Variants in ACBD6 observed in about 807,000 individuals in gnomAD.
The protein encoded by ACBD6 is acyl-CoA binding domain containing 6.
Under a neutral mutation model 37.2 loss-of-function variants are expected in ACBD6, and 28 were observed. That is an observed-to-expected ratio of 0.75 (90% CI 0.56 to 1.03). The LOEUF (loss-of-function observed/expected upper bound fraction) is 1.03, where lower values mean the gene tolerates loss of function less well. ACBD6 is among the 50% of genes least tolerant of loss of function. The pLI is 0.00. For missense variants in ACBD6, 340 were observed against 337.4 expected (o/e 1.01, Z -0.06); for synonymous variants, 113 against 126.8 (o/e 0.89, Z 0.73).
chr1:180,468,402 C>T (rs773975921), intron 3 of ACBD6, among the ~76,000 whole-genome samples: 3 of 152,104 alleles, frequency 2.0e-5, no homozygotes, highest in Non-Finnish European at 4.4e-5. Flanking sequence ...CTAAGAAGGC[C>T]GCTGGTTTAA....
chr1:180,457,373 T>G (rs1259547923), intron 3 of ACBD6, among the ~76,000 whole-genome samples: 2 of 152,240 alleles, frequency 1.3e-5, no homozygotes, highest in African/African-American at 4.8e-5. Flanking sequence ...TAGGCTGAAC[T>G]GTTCTCAATC....
chr1:180,387,078 T>C (rs944715875), intron 6 of ACBD6, among the ~76,000 whole-genome samples: 14 of 152,224 alleles, frequency 9.2e-5, no homozygotes, highest in African/African-American at 3.4e-4. Context: ...TTAGGAGTTG[T>C]AGTTCCAATA....
Position 180,502,412 on chromosome 1 carries a change from G to T in ACBD6, c.-146C>A. ...GCTCAGTCGCGGCGCGCTCCCTCAC[G>T]TGACCCTGCTCCCTGCCCACTTCTA... On this transcript the variant is annotated 5_prime_UTR_variant, in exon 1 of 8. Transcript: ENST00000367595. 1.2e-6 allele frequency: 1 copy of T among 849,778 alleles called. No individual in the cohort carries two copies. The highest frequency in any genetic ancestry group is 1.9e-6 in the Non-Finnish European group (1 of 517,256). The allele number at this position is 849,778 out of a possible 1,614,324, so 52.6% of individuals were successfully genotyped here. A position where few individuals can be genotyped will look rare whatever the true frequency, so the allele number is the denominator to read the frequency against.
chr1:180,411,778 A>G (rs1223308299), intron 5 of ACBD6, among the ~76,000 whole-genome samples: 1 of 151,898 alleles, frequency 6.6e-6, no homozygotes, highest in Non-Finnish European at 1.5e-5. Flanking sequence ...CGTTTCTCCT[A>G]CTGCAGCCTC....
intron 3 of ACBD6, among the ~76,000 whole-genome samples, chr1:180,491,308 A>T (rs2102088760): frequency 6.6e-6 from 1 of 152,206 alleles, no homozygotes. Context: ...GTACAATGCA[A>T]CCTCTATCTC....
intron 3 of ACBD6, chr1:180,434,830 G>T: frequency 4.1e-6 from 3 of 733,510 alleles, no homozygotes; most frequent in East Asian, 2.6e-5. Flanking sequence ...TGCCAATCTT[G>T]GCAAATCTGC....
intron 6 of ACBD6, among the ~76,000 whole-genome samples, chr1:180,347,785 C>G (rs1002490067): frequency 1.7e-4 from 26 of 152,132 alleles, no homozygotes; most frequent in African/African-American, 6.3e-4. Context: ...TCCTGGCTAA[C>G]ACGGTGAAAC....
chr1:180,345,071 G>C (rs779701996), intron 6 of ACBD6, among the ~76,000 whole-genome samples: 10 of 152,100 alleles, frequency 6.6e-5, no homozygotes, highest in Non-Finnish European at 1.2e-4. Flanking sequence ...AGAAGCTGGA[G>C]CTTAGTCTCT....
chr1:180,333,398 T>C (rs1271746973), intron 6 of ACBD6, among the ~76,000 whole-genome samples: 2 of 152,306 alleles, frequency 1.3e-5, no homozygotes, highest in South Asian at 4.1e-4. Context: ...TGCATGCTCA[T>C]GACAATGAGT....
downstream of ACBD6, among the ~76,000 whole-genome samples, chr1:180,283,928 A>G (rs940419835): frequency 2.6e-4 from 40 of 152,156 alleles, no homozygotes; most frequent in African/African-American, 9.4e-4. Context: ...ATTAAAAAAA[A>G]CACCCAAAAA....
At chr1:180,352,778 A>G (rs990860235) in intron 6 of ACBD6, among the ~76,000 whole-genome samples, 1 of 152,248 alleles carries the variant, frequency 6.6e-6, no homozygotes, top group Non-Finnish European at 1.5e-5. Flanking sequence ...CATCCCATTC[A>G]GCCCTGCTGA....
intron 3 of ACBD6, chr1:180,435,899 G>A (rs747993812): frequency 1.9e-4 from 264 of 1,392,336 alleles, no homozygotes; most frequent in East Asian, 6.2e-4. Context: ...GAACGTCAAT[G>A]GTGGTGGCCA....
chr1:180,470,867 A>T (rs1650538736), intron 3 of ACBD6, among the ~76,000 whole-genome samples: 1 of 152,258 alleles, frequency 6.6e-6, no homozygotes, highest in Non-Finnish European at 1.5e-5. Context: ...CACATAATTA[A>T]AATGGTATTT....
intron 3 of ACBD6, among the ~76,000 whole-genome samples, chr1:180,487,758 A>G (rs1347284247): frequency 6.6e-6 from 1 of 152,214 alleles, no homozygotes; most frequent in Admixed American, 6.5e-5. Flanking sequence ...TCTACCCAAG[A>G]AATTGTGAAG....
chr1:180,418,058 T>C (rs1286108836), intron 4 of ACBD6, among the ~76,000 whole-genome samples: 1 of 152,068 alleles, frequency 6.6e-6, no homozygotes, highest in Admixed American at 6.6e-5. Context: ...TTCTTTTTAA[T>C]ATAATCTTTC....
At chr1:180,284,180 G>A (rs984438839), downstream of ACBD6, among the ~76,000 whole-genome samples, 14 of 152,248 alleles carry the variant, frequency 9.2e-5, no homozygotes, top group East Asian at 2.7e-3. Flanking sequence ...AACACTGGCT[G>A]ACAAGCATAA....
chr1:180,282,516 T>C (rs1173800047), intron 8 of ACBD6, among the ~76,000 whole-genome samples: 1 of 152,204 alleles, frequency 6.6e-6, no homozygotes, highest in Non-Finnish European at 1.5e-5. Flanking sequence ...TTTAGTCACC[T>C]GGGACTAGTT....
chr1:180,366,897 C>T (rs1257004375), intron 6 of ACBD6, among the ~76,000 whole-genome samples: 1 of 152,088 alleles, frequency 6.6e-6, no homozygotes, highest in Non-Finnish European at 1.5e-5. Context: ...ATGACGGCAA[C>T]ACAATGCAGG....
exon 14 of ACBD6, chr1:180,271,599 C>T: frequency 6.3e-7 from 1 of 1,587,662 alleles, no homozygotes; most frequent in East Asian, 2.2e-5. Flanking sequence ...GGAAGGTATC[C>T]TGAGTGACAT....
Sources: gnomAD v4.1 joint callset for allele counts (sites outside exome capture counted in the v4.1 genomes callset) on GRCh38, gnomAD v4.1.1 for gene constraint, MANE v1.5 for transcripts, NCBI Gene and HGNC (gene_info 2026-07-23, HGNC 2026-07-21) for gene names.